ATF6: variants seen among roughly 807,000 people sequenced by gnomAD.
ATF6 encodes the protein activating transcription factor 6.
In ATF6, 53 loss-of-function variants were observed where a neutral mutation model predicts 83.6. The observed-to-expected ratio is 0.63, with a 90% CI of 0.51 to 0.80. ATF6 has a LOEUF of 0.80. Among genes scored for constraint, ATF6 ranks in the 30% least tolerant of loss-of-function variants. The pLI is 0.00. For missense variants in ATF6, 744 were observed against 797.9 expected (o/e 0.93, Z 0.81); for synonymous variants, 288 against 285.8 (o/e 1.01, Z -0.08).
chr1:161,921,715 C>T (rs568008238), intron 15 of ATF6, among the ~76,000 whole-genome samples: 1 of 152,264 alleles, frequency 6.6e-6, no homozygotes, highest in East Asian at 1.9e-4. Flanking sequence ...TCTCTTGTAA[C>T]AGATTGGTGT....
At chr1:161,882,086 G>GA (rs1687335275) in intron 14 of ATF6, among the ~76,000 whole-genome samples, 1 of 152,108 alleles carries the variant, frequency 6.6e-6, no homozygotes, top group Admixed American at 6.6e-5. Flanking sequence ...GGTTATACCA[G>GA]ACTGTTAGTT....
intron 9 of ATF6, among the ~76,000 whole-genome samples, chr1:161,826,087 A>G (rs2101792533): frequency 6.6e-6 from 1 of 152,336 alleles, no homozygotes; most frequent in East Asian, 1.9e-4. Context: ...ATTCACAGGC[A>G]TATTCTTGAG....
In ATF6 at chr1:161,819,687, C is replaced by T. The variant is rs1685702858; in HGVS notation, c.964C>T (p.Gln322Ter). The T allele has an allele frequency of 6.2e-7, 1 of 1,611,374 alleles. No individual in the cohort carries two copies. Among genetic ancestry groups the T allele is most frequent in the Non-Finnish European group, 8.5e-7 (1 of 1,178,924 alleles). Residue 322 changes from glutamine (Q) to a stop codon, truncating the protein, a stop_gained, in exon 8 of 16, where the codon CAG (glutamine) becomes TAG (stop). Transcript: ENST00000367942. LOFTEE classifies it high-confidence loss of function. ...GATAAAAAATCGAGAATCCGCTTGT[C>T]AGTCTCGCAAGAAGAAGAAAGAATA... The part of the protein sequence containing the change: ...RMIKNRESAC[Q>*]SRKKKKEYML...
chr1:161,797,225 C>T (rs1263683881), intron 6 of ATF6, among the ~76,000 whole-genome samples: 1 of 152,082 alleles, frequency 6.6e-6, no homozygotes, highest in Non-Finnish European at 1.5e-5. Flanking sequence ...AATGAGTGGG[C>T]AAGAGCTGGA....
intron 15 of ATF6, among the ~76,000 whole-genome samples, chr1:161,932,664 T>C (rs760254658): frequency 6.6e-6 from 1 of 152,226 alleles, no homozygotes; most frequent in Non-Finnish European, 1.5e-5. Flanking sequence ...AAAACTTTAA[T>C]GGCTTAAAGC....
intron 2 of ATF6, among the ~76,000 whole-genome samples, chr1:161,779,631 T>A (rs1684590249): frequency 6.6e-6 from 1 of 152,194 alleles, no homozygotes; most frequent in Non-Finnish European, 1.5e-5. Context: ...TTTCCTCAAG[T>A]AGATCATGCC....
At chr1:161,924,015 T>C (rs1164772977) in intron 15 of ATF6, among the ~76,000 whole-genome samples, 2 of 152,238 alleles carry the variant, frequency 1.3e-5, no homozygotes, top group African/African-American at 4.8e-5. Flanking sequence ...TATTTTTTAA[T>C]GTTAAGCTCC....
At chr1:161,798,622 A>G (rs1413911860) in intron 6 of ATF6, among the ~76,000 whole-genome samples, 1 of 152,154 alleles carries the variant, frequency 6.6e-6, no homozygotes, top group Non-Finnish European at 1.5e-5. Context: ...AATAAAAATC[A>G]ACTAAAGAGC....
intron 1 of ATF6, 73 bp downstream of exon 1, chr1:161,766,515 C>T: frequency 6.8e-7 from 1 of 1,474,096 alleles, no homozygotes; most frequent in Non-Finnish European, 9.4e-7. Context: ...CTACTTCCGC[C>T]CACTCGTGGT....
Position 161,791,086 on chromosome 1 carries a change from C to CTGTGTGTG in ATF6, c.355-312_355-305dup, listed in dbSNP as rs758372809. The stretch of plus-strand genomic sequence containing the variant: ...TATGTGTGTGTGTGTGTGTGTGTCT[C>CTGTGTGTG]TGTGTGTGTGTGTGTGTCTCTGTGT... On this transcript the variant is annotated intron_variant, in intron 4 of 15. Transcript: ENST00000367942. Among the ~76,000 whole-genome samples, 517 of 86,252 alleles carry CTGTGTGTG rather than the reference C, an allele frequency of 6.0e-3. 3 individuals are homozygous for CTGTGTGTG. The highest frequency in any genetic ancestry group is 0.031 in the African/African-American group (343 of 10,992). The allele number at this position is 86,252 out of a possible 152,430, so 56.6% of individuals were successfully genotyped here.
intron 15 of ATF6, among the ~76,000 whole-genome samples, chr1:161,955,962 AC>A (rs547253522): frequency 2.4e-3 from 363 of 152,238 alleles, no homozygotes; most frequent in African/African-American, 8.3e-3. Flanking sequence ...TGCCATTCCA[AC>A]CATGGCTAGG....
chr1:161,920,294 C>CTCTTTTTTTTTTTTTTTTTTTTTTTT (rs1157916734), intron 15 of ATF6, among the ~76,000 whole-genome samples: 13 of 54,838 alleles, frequency 2.4e-4, no homozygotes, highest in Non-Finnish European at 3.6e-4. Context: ...CTCTCTCTCT[C>CTCTTTTTTTTTTTTTTTTTTTTTTTT]TTTTTTTTTT....
chr1:161,802,858 GT>G (rs1024387249), intron 7 of ATF6, among the ~76,000 whole-genome samples: 3 of 152,086 alleles, frequency 2.0e-5, no homozygotes, highest in Non-Finnish European at 2.9e-5. Flanking sequence ...AAATCACATA[GT>G]TTCCTAAGAC....
intron 15 of ATF6, among the ~76,000 whole-genome samples, chr1:161,912,952 G>A (rs1688020630): frequency 1.3e-5 from 2 of 151,926 alleles, no homozygotes; most frequent in African/African-American, 4.8e-5. Flanking sequence ...GAAAAAAAAA[G>A]ACAAGCACAA....
chr1:161,884,353 T>G (rs990579025), intron 14 of ATF6, among the ~76,000 whole-genome samples: 7 of 152,142 alleles, frequency 4.6e-5, no homozygotes, highest in Non-Finnish European at 7.4e-5. Context: ...GTTAAAATTT[T>G]TTAAATGAAT....
intron 1 of ATF6, among the ~76,000 whole-genome samples, chr1:161,769,172 C>T (rs1176811608): frequency 6.6e-6 from 1 of 152,202 alleles, no homozygotes; most frequent in East Asian, 1.9e-4. Flanking sequence ...ACAGCATAAA[C>T]AAGTGAGCAT....
At chr1:161,825,726 C>T (rs12743406) in intron 9 of ATF6, among the ~76,000 whole-genome samples, 3,871 of 152,216 alleles carry the variant, frequency 0.025, 79 homozygotes, top group Non-Finnish European at 0.039. Flanking sequence ...TCTCCAAATT[C>T]CATTGTTAGG....
chr1:161,819,819 G>GT lies in ATF6; in HGVS notation c.1095+2dup. On this transcript the variant is annotated splice_donor_variant, in intron 8 of 15. Transcript: ENST00000367942. LOFTEE classifies it high-confidence loss of function. ...GCAGCTGGATGAAGTTGTGTCAGAG[G>GT]TAAGTGTTAGTAATACGGCTGAGTC... is the stretch of plus-strand genomic sequence containing the variant. The GT allele has an allele frequency of 6.2e-7, 1 of 1,605,170 alleles. No homozygotes were observed. Among genetic ancestry groups the GT allele is most frequent in the Non-Finnish European group, 8.5e-7 (1 of 1,176,264 alleles).
intron 7 of ATF6, among the ~76,000 whole-genome samples, chr1:161,805,825 C>T (rs1685265526): frequency 6.6e-6 from 1 of 150,446 alleles, no homozygotes; most frequent in South Asian, 2.1e-4. Context: ...AAAAAAAAAT[C>T]ATATCAGTTT....
Sources: gnomAD v4.1 joint callset for allele counts (sites outside exome capture counted in the v4.1 genomes callset) on GRCh38, gnomAD v4.1.1 for gene constraint, MANE v1.5 for transcripts, NCBI Gene and HGNC (gene_info 2026-07-23, HGNC 2026-07-21) for gene names.